Variants in CCDC13 observed in about 807,000 individuals in gnomAD.
CCDC13 encodes coiled-coil domain-containing protein 13.
CCDC13 carries 70 observed loss-of-function variants against 87.3 expected under a neutral mutation model. The observed-to-expected ratio is 0.80, with a 90% CI of 0.66 to 0.98. CCDC13 has a LOEUF of 0.98. Among genes scored for constraint, CCDC13 ranks in the 50% least tolerant of loss-of-function variants. CCDC13 has a pLI of 0.00. For missense variants in CCDC13, 842 were observed against 892.0 expected (o/e 0.94, Z 0.71); for synonymous variants, 317 against 360.3 (o/e 0.88, Z 1.36).
chr3:42,752,833 C>A, intron 3 of CCDC13, 116 bp from the exon 4 acceptor site: 1 of 1,265,348 alleles, frequency 7.9e-7, no homozygotes, highest in South Asian at 1.4e-5. Context: ...CATGAATGCT[C>A]ATAAAGGGGC....
intron 11 of CCDC13, among the ~76,000 whole-genome samples, chr3:42,733,195 G>A (rs894538451): frequency 6.6e-6 from 1 of 152,236 alleles, no homozygotes; most frequent in East Asian, 1.9e-4. Context: ...CTGTTTGAAG[G>A]CCCCAGGGGC....
At chr3:42,759,406 T>C (rs1246114405) in intron 1 of CCDC13, among the ~76,000 whole-genome samples, 1 of 152,188 alleles carries the variant, frequency 6.6e-6, no homozygotes, top group Non-Finnish European at 1.5e-5. Flanking sequence ...AACATTTTCA[T>C]CACCCCAAAA....
intron 3 of CCDC13, among the ~76,000 whole-genome samples, chr3:42,756,544 C>T (rs1280359109): frequency 6.6e-6 from 1 of 151,688 alleles, no homozygotes; most frequent in Non-Finnish European, 1.5e-5. Context: ...CTTTCTGGAG[C>T]AGCAACAGCA....
At chr3:42,719,394 T>C (rs1041516750) in intron 13 of CCDC13, 1 of 89,090 alleles carries the variant, frequency 1.1e-5, no homozygotes, top group Admixed American at 1.1e-4. Flanking sequence ...TCTCTCTCTC[T>C]CTCTCTCTCT....
chr3:42,726,975 T>C (rs1286201526), intron 13 of CCDC13, among the ~76,000 whole-genome samples: 2 of 152,098 alleles, frequency 1.3e-5, no homozygotes, highest in African/African-American at 2.4e-5. Context: ...TAAAAAACAA[T>C]AGGATAGCCT....
chr3:42,748,200 C>T (rs1364043620), intron 5 of CCDC13, among the ~76,000 whole-genome samples: 1 of 152,122 alleles, frequency 6.6e-6, no homozygotes, highest in Non-Finnish European at 1.5e-5. Flanking sequence ...ACAAAGGGAC[C>T]TTCAAGGTCA....
intron 13 of CCDC13, among the ~76,000 whole-genome samples, chr3:42,726,138 A>G (rs982992681): frequency 6.6e-6 from 1 of 152,112 alleles, no homozygotes; most frequent in African/African-American, 2.4e-5. Flanking sequence ...TCCGCCTCCC[A>G]GGTTCAAGCA....
intron 5 of CCDC13, among the ~76,000 whole-genome samples, chr3:42,751,268 C>T (rs1699572154): frequency 6.8e-6 from 1 of 146,698 alleles, no homozygotes; most frequent in Admixed American, 6.7e-5. Flanking sequence ...ATGTTAGACT[C>T]TGATGATATT....
intron 13 of CCDC13, among the ~76,000 whole-genome samples, chr3:42,728,906 AC>A (rs1392428184): frequency 6.7e-6 from 1 of 149,226 alleles, no homozygotes; most frequent in Non-Finnish European, 1.5e-5. Flanking sequence ...TACATTTCAT[AC>A]CCCAGGTGCC....
intron 13 of CCDC13, among the ~76,000 whole-genome samples, chr3:42,716,072 C>T (rs1266748508): frequency 1.3e-5 from 2 of 152,210 alleles, no homozygotes; most frequent in Admixed American, 6.5e-5. Flanking sequence ...CTTATAACAA[C>T]AGCACAGCTA....
At chr3:42,733,768 G>T in intron 10 of CCDC13, 159 bp from the exon 11 acceptor site, 1 of 375,252 alleles carries the variant, frequency 2.7e-6, no homozygotes, top group Non-Finnish European at 3.7e-6. Flanking sequence ...GGCACTACTT[G>T]CATGATAATG....
intron 9 of CCDC13, among the ~76,000 whole-genome samples, chr3:42,737,076 C>A (rs1366791919): frequency 6.6e-6 from 1 of 151,978 alleles, no homozygotes; most frequent in Admixed American, 6.5e-5. Flanking sequence ...CCCCCACCCA[C>A]CGACAGGCCC....
intron 1 of CCDC13, among the ~76,000 whole-genome samples, chr3:42,763,503 C>CTTT (rs765712843): frequency 9.2e-5 from 12 of 130,030 alleles, no homozygotes; most frequent in African/African-American, 2.8e-4. Context: ...AAGAGATGTA[C>CTTT]TTTTTTTTTT....
At chr3:42,769,133 C>T (rs769648839) in intron 1 of CCDC13, among the ~76,000 whole-genome samples, 16 of 151,396 alleles carry the variant, frequency 1.1e-4, no homozygotes, top group Non-Finnish European at 2.1e-4. Context: ...AGTGAAACGC[C>T]GTTTCAAAAA....
chr3:42,732,833 G>T (rs986465452), intron 12 of CCDC13, 54 bp downstream of exon 12: 2 of 1,451,978 alleles, frequency 1.4e-6, no homozygotes, highest in African/African-American at 1.4e-5. Context: ...AATACTGGTT[G>T]AGCAATCAAG....
chr3:42,732,413 G>C lies in CCDC13; in HGVS notation c.1595+474C>G, dbSNP rs184790299. Among the ~76,000 whole-genome samples the C allele has an allele frequency of 4.5e-3, 685 of 152,248 alleles. 4 individuals are homozygous for C. Among genetic ancestry groups the C allele is most frequent in the Non-Finnish European group, 7.7e-3 (522 of 68,022 alleles). ...GACAGTGGGCAGGGCTCGGGACAGG[G>C]CTTAGAGGCAGGACAACGCTGTCCT... is the stretch of plus-strand genomic sequence containing the variant. On this transcript the variant is annotated intron_variant, in intron 12 of 15. Transcript: ENST00000310232.
At chr3:42,733,994 C>T (rs1307810320) in intron 10 of CCDC13, among the ~76,000 whole-genome samples, 1 of 152,164 alleles carries the variant, frequency 6.6e-6, no homozygotes, top group East Asian at 1.9e-4. Flanking sequence ...AGCTGCCTTC[C>T]TCAGCTGGAA....
intron 7 of CCDC13, 37 bp downstream of exon 7, chr3:42,745,886 T>C: frequency 2.6e-6 from 4 of 1,545,984 alleles, no homozygotes; most frequent in Non-Finnish European, 3.6e-6. Context: ...TTTTAAATCC[T>C]TTGTTCAGGC....
chr3:42,709,648 A>T, intron 15 of CCDC13, 36 bp downstream of exon 15: 1 of 1,549,750 alleles, frequency 6.5e-7, no homozygotes. Flanking sequence ...TGCTCAGACA[A>T]CCCTACCCTT....
Sources: allele counts gnomAD v4.1 joint callset (sites outside exome capture counted in the v4.1 genomes callset), GRCh38; gene constraint gnomAD v4.1.1; transcripts MANE v1.5; gene names NCBI Gene and HGNC (gene_info 2026-07-23, HGNC 2026-07-21).